Variants in NDUFS2 observed in about 807,000 individuals in gnomAD.
NDUFS2 encodes NADH dehydrogenase [ubiquinone] iron-sulfur protein 2, mitochondrial.
NDUFS2 carries 38 observed loss-of-function variants against 69.6 expected under a neutral mutation model. The observed-to-expected ratio is 0.55, with a 90% CI of 0.42 to 0.72. NDUFS2 has a LOEUF of 0.72. Ranked by LOEUF, NDUFS2 falls within the 30% of genes least tolerant of loss-of-function variation. NDUFS2 has a pLI of 0.00. For missense variants in NDUFS2, 468 were observed against 595.0 expected, an observed-to-expected ratio of 0.79 and a Z score of 2.22; for synonymous variants, 194 against 211.2, an observed-to-expected ratio of 0.92 and a Z score of 0.70.
chr1:161,203,844 C>T, intron 2 of NDUFS2: 1 of 406,638 alleles, frequency 2.5e-6, no homozygotes, highest in Non-Finnish European at 4.7e-6. Flanking sequence ...TCAGGTAATC[C>T]TCCCAACTCA....
intron 3 of NDUFS2, among the ~76,000 whole-genome samples, chr1:161,208,580 G>A (rs887549764): frequency 2.0e-5 from 3 of 152,282 alleles, no homozygotes; most frequent in Admixed American, 6.5e-5. Flanking sequence ...GATTACAGGC[G>A]TGAGCCACGT....
At chr1:161,212,298 C>T (rs978239019) in intron 9 of NDUFS2, 53 bp from the exon 10 acceptor site, 2 of 1,610,966 alleles carry the variant, frequency 1.2e-6, no homozygotes, top group Non-Finnish European at 1.7e-6. Context: ...CCTTCCTAGC[C>T]CCATACCTGC....
At position 161,209,136 on chromosome 1, in the gene NDUFS2, C is replaced by T. The variant is rs551890879; in HGVS notation, c.394-57C>T. On this transcript the variant is annotated intron_variant, in intron 3 of 13. Transcript: ENST00000676972. ...CGACTGAGAGCAAGGCTTCAGGCAG[C>T]CAGACTGTGGGCTCCTGAGCCTGTT... 98 of 1,613,694 alleles carry T rather than the reference C, an allele frequency of 6.1e-5. No homozygotes were observed. The Admixed American group carries it at 1.4e-3, about 23-fold the overall frequency.
At chr1:161,198,266 C>T (rs761692913), upstream of NDUFS2, 47 of 1,613,870 alleles carry the variant, frequency 2.9e-5, no homozygotes, top group Middle Eastern at 4.9e-4. This position sits in a 1 kb window ranked among gnomAD's most constrained non-coding sequence, Gnocchi z 4.7. Flanking sequence ...AGGCTCTGCT[C>T]CACCCAGCAG....
At chr1:161,208,552 G>A (rs1214381132) in intron 3 of NDUFS2, among the ~76,000 whole-genome samples, 1 of 152,306 alleles carries the variant, frequency 6.6e-6, no homozygotes, top group Non-Finnish European at 1.5e-5. Context: ...TACCCGCCTC[G>A]GCCTCCCAAA....
intron 1 of NDUFS2, 44 bp from the exon 2 acceptor site, chr1:161,203,393 C>T: frequency 6.5e-7 from 1 of 1,527,014 alleles, no homozygotes; most frequent in Non-Finnish European, 9.1e-7. Context: ...AGGAACCAAA[C>T]ACTGTTCAGG....
chr1:161,205,348 C>T (rs1665403547), intron 2 of NDUFS2, among the ~76,000 whole-genome samples: 1 of 152,146 alleles, frequency 6.6e-6, no homozygotes, highest in African/African-American at 2.4e-5. Context: ...CTTAGGAAGT[C>T]CCAATAAGAG....
chr1:161,206,780 G>A (rs1203553550), intron 3 of NDUFS2, among the ~76,000 whole-genome samples, 183 bp downstream of exon 3: 1 of 152,186 alleles, frequency 6.6e-6, no homozygotes, highest in Non-Finnish European at 1.5e-5. Flanking sequence ...TTAGGATTTG[G>A]TTTATTTAGC....
upstream of NDUFS2, chr1:161,198,453 C>T (rs1201925530): frequency 6.3e-7 from 1 of 1,575,632 alleles, no homozygotes; most frequent in Admixed American, 1.9e-5. This position sits in a 1 kb window ranked among gnomAD's most constrained non-coding sequence, Gnocchi z 4.7. Context: ...ACGATCTCCT[C>T]CTCCCGGGGG....
chr1:161,203,487 G>A lies in NDUFS2; in HGVS notation c.146G>A (p.Gly49Glu), dbSNP rs766135010. The A allele has an allele frequency of 6.8e-6, 11 of 1,614,006 alleles. No individual in the cohort carries two copies. In the Admixed American group the frequency reaches 1.8e-4, roughly 27 times the overall value. The change falls in exon 2 of 14, where the codon GGA becomes GAA. Residue 49 changes from glycine to glutamate, a missense_variant. Physicochemically the swap from Gly to Glu is moderately conservative, Grantham distance 98. Transcript: ENST00000676972. ...PDVEWAQQFG[G>E]AVMYPSKETA... ...GTGGAATGGGCACAGCAGTTTGGGG[G>A]AGCTGTTATGTACCCAAGCAAAGAA...
chr1:161,207,963 C>G (rs1385241377), intron 3 of NDUFS2, among the ~76,000 whole-genome samples: 6 of 149,280 alleles, frequency 4.0e-5, no homozygotes, highest in African/African-American at 1.2e-4. Flanking sequence ...GCACGCACCA[C>G]CATGCCTGGC....
intron 3 of NDUFS2, 110 bp downstream of exon 3, chr1:161,206,707 T>A: frequency 2.6e-6 from 3 of 1,168,120 alleles, no homozygotes; most frequent in Non-Finnish European, 3.7e-6. Flanking sequence ...TTGAGAGGAG[T>A]AACCCGTTGA....
chr1:161,202,349 C>T (rs1665174862), upstream of NDUFS2: 7 of 1,585,114 alleles, frequency 4.4e-6, no homozygotes, highest in Non-Finnish European at 5.2e-6. Flanking sequence ...GTTACTTCCG[C>T]CCGGTTCTCC....
At chr1:161,203,384 G>T in intron 1 of NDUFS2, 53 bp from the exon 2 acceptor site, 1 of 1,486,692 alleles carries the variant, frequency 6.7e-7, no homozygotes, top group South Asian at 1.1e-5. Flanking sequence ...TGGGAACACA[G>T]GAACCAAACA....
At chr1:161,210,067 T>A (rs1182162582) in intron 6 of NDUFS2, 44 bp from the exon 7 acceptor site, 2 of 1,601,042 alleles carry the variant, frequency 1.2e-6, no homozygotes, top group Middle Eastern at 1.7e-4. Context: ...CTCTCCTTAG[T>A]GAAGGCTATG....
At chr1:161,198,407 C>T (rs748250685), upstream of NDUFS2, 8 of 1,605,992 alleles carry the variant, frequency 5.0e-6, no homozygotes, top group Non-Finnish European at 5.9e-6. The surrounding 1 kb of genome is among the most constrained non-coding windows in gnomAD (Gnocchi z 4.7). Context: ...GGCGCCCGAG[C>T]CAGGCAGGAC....
chr1:161,208,568 G>A (rs1277377432), intron 3 of NDUFS2, among the ~76,000 whole-genome samples: 1 of 152,250 alleles, frequency 6.6e-6, no homozygotes, highest in African/African-American at 2.4e-5. Context: ...CCAAAGTGTT[G>A]GGATTACAGG....
rs558780292 is a variant in NDUFS2 at position 161,205,996 on chromosome 1, C to T, written c.203-411C>T. On this transcript the variant is annotated intron_variant, in intron 2 of 13. Transcript: ENST00000676972. ...TGGAAAAGTCATTTAAGCTCCATGG[C>T]CTCAGTTTATCCAATGAAATGGGGA... Among the ~76,000 whole-genome samples the T allele has an allele frequency of 2.9e-4, 44 of 152,140 alleles. 1 individual carries two copies. In the South Asian group the frequency reaches 9.1e-3, roughly 32 times the overall value.
chr1:161,213,838 C>A (rs1378097189), intron 12 of NDUFS2, 26 bp from the exon 13 acceptor site: 1 of 1,613,590 alleles, frequency 6.2e-7, no homozygotes, highest in East Asian at 2.2e-5. Context: ...TCTTAACTAA[C>A]ATTGTTGCCA....
Sources: allele counts gnomAD v4.1 joint callset (sites outside exome capture counted in the v4.1 genomes callset), GRCh38; gene constraint gnomAD v4.1.1; non-coding constraint Gnocchi (gnomAD v3.1); transcripts MANE v1.5; gene names NCBI Gene and HGNC (gene_info 2026-07-23, HGNC 2026-07-21).